THSD7B: variants seen among roughly 807,000 people sequenced by gnomAD.
The protein encoded by THSD7B is thrombospondin type 1 domain containing 7B.
In THSD7B, 138 loss-of-function variants were observed where a neutral mutation model predicts 213.6. The observed-to-expected ratio is 0.65, with a 90% CI of 0.56 to 0.74. The LOEUF (loss-of-function observed/expected upper bound fraction) is 0.74, where lower values mean the gene tolerates loss of function less well. THSD7B is among the 30% of genes least tolerant of loss of function. The pLI is 0.00. For synonymous variants in THSD7B, 742 were observed against 687.0 expected, an observed-to-expected ratio of 1.08 and a Z score of -1.25; for missense variants, 1,931 against 1,991.5, an observed-to-expected ratio of 0.97 and a Z score of 0.58.
chr2:137,616,120 A>G, intron 17 of THSD7B, 55 bp from the exon 18 acceptor site: 1 of 1,586,806 alleles, frequency 6.3e-7, no homozygotes, highest in South Asian at 1.2e-5. Flanking sequence ...TATATCTTAT[A>G]TAATTTATCA....
At chr2:136,972,340 C>T (rs1333712183) in intron 2 of THSD7B, among the ~76,000 whole-genome samples, 1 of 152,128 alleles carries the variant, frequency 6.6e-6, no homozygotes, top group Non-Finnish European at 1.5e-5. Context: ...TGGTCAATAA[C>T]AGCAGAGATA....
intron 12 of THSD7B, among the ~76,000 whole-genome samples, chr2:137,371,898 T>C (rs1685540942): frequency 6.6e-6 from 1 of 152,202 alleles, no homozygotes; most frequent in Admixed American, 6.5e-5. Context: ...GTGATAGTCT[T>C]TTCATTCGCA....
intron 7 of THSD7B, among the ~76,000 whole-genome samples, chr2:137,206,662 AGG>A (rs1273315826): frequency 2.0e-5 from 3 of 152,048 alleles, no homozygotes; most frequent in African/African-American, 7.2e-5. Context: ...AAGACCATAA[AGG>A]ATTTTGCTCA....
chr2:137,158,904 T>G (rs903779351), intron 5 of THSD7B, among the ~76,000 whole-genome samples: 27 of 152,192 alleles, frequency 1.8e-4, no homozygotes, highest in African/African-American at 6.5e-4. Flanking sequence ...CAAACTAGTG[T>G]GTAAAATAAC....
intron 1 of THSD7B, among the ~76,000 whole-genome samples, chr2:136,875,639 C>A (rs1683515127): frequency 6.6e-6 from 1 of 152,144 alleles, no homozygotes; most frequent in Non-Finnish European, 1.5e-5. Context: ...CCACAGGAGC[C>A]CCGTAGTTTC....
chr2:137,556,610 G>T (rs557370902), intron 15 of THSD7B, among the ~76,000 whole-genome samples: 5 of 152,132 alleles, frequency 3.3e-5, no homozygotes, highest in Non-Finnish European at 7.3e-5. Flanking sequence ...AAAGACCATC[G>T]ATGCTAGGAA....
At chr2:136,962,754 A>G (rs1685244300) in intron 2 of THSD7B, among the ~76,000 whole-genome samples, 1 of 152,224 alleles carries the variant, frequency 6.6e-6, no homozygotes, top group Non-Finnish European at 1.5e-5. Context: ...TGAAAGCACT[A>G]CAGAAAATAA....
At chr2:136,856,671 C>A (rs867373606) in intron 1 of THSD7B, among the ~76,000 whole-genome samples, 1 of 152,056 alleles carries the variant, frequency 6.6e-6, no homozygotes, top group African/African-American at 2.4e-5. Flanking sequence ...TCCGCCACCA[C>A]GCCTGGCTAA....
intron 14 of THSD7B, among the ~76,000 whole-genome samples, chr2:137,441,656 G>A (rs1244549166): frequency 1.3e-5 from 2 of 152,204 alleles, no homozygotes; most frequent in East Asian, 3.9e-4. Context: ...GTTCAAGTGA[G>A]AGATATTGAG....
chr2:137,233,229 T>C, intron 9 of THSD7B, 96 bp downstream of exon 9: 1 of 1,153,400 alleles, frequency 8.7e-7, no homozygotes. Flanking sequence ...TTTCTGGGTC[T>C]CTGATAGAGT....
chr2:136,803,265 A>C (rs919683079), intron 1 of THSD7B, among the ~76,000 whole-genome samples: 1 of 152,148 alleles, frequency 6.6e-6, no homozygotes, highest in Admixed American at 6.5e-5. Context: ...GAAAAGATGG[A>C]AGAAGTGAAT....
chr2:137,030,057 C>G lies in THSD7B; in HGVS notation c.140-26363C>G, dbSNP rs979868966. ...TCCTGCCCACAAGGATTTTCTGGTG[C>G]ATCAAATATATCAAGATAATCTATG... On this transcript the variant is annotated intron_variant, in intron 2 of 27. Transcript: ENST00000409968. Among the ~76,000 whole-genome samples, 34 of 151,968 alleles carry G rather than the reference C, an allele frequency of 2.2e-4. 1 individual carries two copies. The highest frequency in any genetic ancestry group is 5.9e-5 in the Non-Finnish European group (4 of 67,934).
intron 17 of THSD7B, among the ~76,000 whole-genome samples, chr2:137,614,347 T>C (rs1049794822): frequency 6.6e-6 from 1 of 152,162 alleles, no homozygotes; most frequent in African/African-American, 2.4e-5. Flanking sequence ...AAGTGAATTG[T>C]TCAAGGTTAC....
chr2:137,124,840 ATACT>A (rs1438107073), intron 5 of THSD7B, among the ~76,000 whole-genome samples: 8 of 152,202 alleles, frequency 5.3e-5, no homozygotes. Flanking sequence ...ATTGCCTCAC[ATACT>A]TACCATCTTT....
intron 9 of THSD7B, among the ~76,000 whole-genome samples, chr2:137,235,741 ATAT>A (rs1298267921): frequency 2.0e-5 from 3 of 152,180 alleles, no homozygotes; most frequent in African/African-American, 2.4e-5. Context: ...TGAGACTAAA[ATAT>A]TATTATTACA....
intron 4 of THSD7B, among the ~76,000 whole-genome samples, chr2:137,105,416 A>G (rs1222609306): frequency 6.6e-6 from 1 of 152,204 alleles, no homozygotes; most frequent in Non-Finnish European, 1.5e-5. Context: ...CAAAATAATA[A>G]GAGCTATTTA....
chr2:137,521,615 A>G (rs535673581), intron 15 of THSD7B, among the ~76,000 whole-genome samples: 1 of 152,150 alleles, frequency 6.6e-6, no homozygotes, highest in East Asian at 1.9e-4. Flanking sequence ...TAGTGTCTCA[A>G]CCCTGTTTGT....
In THSD7B at chr2:136,787,365, C is replaced by A. The variant is rs564198280; in HGVS notation, c.-36+21678C>A. Among the ~76,000 whole-genome samples, 9 of 152,000 alleles carry A rather than the reference C, an allele frequency of 5.9e-5. No individual in the cohort carries two copies. In the South Asian group the frequency reaches 1.9e-3, roughly 32 times the overall value. On this transcript the variant is annotated intron_variant, in intron 1 of 27. Transcript: ENST00000409968. ...CATAAGCCCTCTCTTTTTTAGCTCT[C>A]TAGGTGTAAATTATTCTTTTCTGTT...
chr2:137,528,533 A>G (rs1054281345), intron 15 of THSD7B, among the ~76,000 whole-genome samples: 1 of 152,128 alleles, frequency 6.6e-6, no homozygotes, highest in South Asian at 2.1e-4. Context: ...TACAATCTTG[A>G]TTTATGCAAA....
Sources: gnomAD v4.1 joint callset for allele counts (sites outside exome capture counted in the v4.1 genomes callset) on GRCh38, gnomAD v4.1.1 for gene constraint, MANE v1.5 for transcripts, NCBI Gene and HGNC (gene_info 2026-07-23, HGNC 2026-07-21) for gene names.